ANKRD30A: variants seen among roughly 807,000 people sequenced by gnomAD.
ANKRD30A encodes ankyrin repeat domain 30A.
In ANKRD30A, 170 loss-of-function variants were observed where a neutral mutation model predicts 166.3. The observed-to-expected ratio is 1.02, with a 90% confidence interval of 0.90 to 1.16. The LOEUF (loss-of-function observed/expected upper bound fraction) is 1.16, where lower values mean the gene tolerates loss of function less well. Among genes scored for constraint, ANKRD30A ranks in the 50% most tolerant of loss-of-function variants. The probability of loss-of-function intolerance (pLI) is 0.00; values close to 1 mark genes in which losing one functional copy is unlikely to be tolerated. For missense variants in ANKRD30A, 1,630 were observed against 1,518.0 expected, an observed-to-expected ratio of 1.07 and a Z score of -1.23; for synonymous variants, 564 against 508.9, an observed-to-expected ratio of 1.11 and a Z score of -1.46.
intron 21 of ANKRD30A, among the ~76,000 whole-genome samples, chr10:37,172,253 T>C (rs1839629572): frequency 9.4e-6 from 1 of 106,924 alleles, no homozygotes; most frequent in Admixed American, 9.0e-5. Context: ...CTGCTGCTGG[T>C]GGTCCTTGGA....
chr10:37,141,286 T>C (rs976637819), intron 6 of ANKRD30A, among the ~76,000 whole-genome samples: 6 of 152,216 alleles, frequency 3.9e-5, no homozygotes, highest in Admixed American at 2.0e-4. Context: ...AAAAGTTTGG[T>C]AGTGTCCAGG....
At chr10:37,237,371 A>T (rs1843710289), downstream of ANKRD30A, among the ~76,000 whole-genome samples, 1 of 152,188 alleles carries the variant, frequency 6.6e-6, no homozygotes, top group East Asian at 1.9e-4. Flanking sequence ...AGTTAGATGC[A>T]ACCATATTAT....
In ANKRD30A at chr10:37,149,811, A is replaced by C. The variant is rs755551682; in HGVS notation, c.1607A>C (p.Lys536Thr). 20 of 1,612,938 alleles carry C rather than the reference A, an allele frequency of 1.2e-5. No homozygotes were observed. The highest frequency in any genetic ancestry group is 1.7e-5 in the Non-Finnish European group (20 of 1,179,158). ...GAAATGCAAAACTCTGTTCCAAATA[A>C]AGCCTTTGAATTGAAGAATGAACAA... is the stretch of plus-strand genomic sequence containing the variant. ...AIEMQNSVPN[K>T]AFELKNEQTL... is the part of the protein sequence containing the mutation. The change falls in exon 11 of 36, where the codon AAA (lysine) becomes ACA (threonine). Residue 536 changes from lysine (K) to threonine (T), a missense_variant. By Grantham distance (78) the Lys-to-Thr change is moderately conservative. Around this residue, in one of 4 missense-constraint regions of ANKRD30A, gnomAD observed 904 missense variants for 818.5 expected, o/e 1.10. Coordinates refer to ENST00000361713, the MANE Select transcript of ANKRD30A (RefSeq NM_052997.3).
At chr10:37,212,815 A>G (rs570881811) in intron 31 of ANKRD30A, among the ~76,000 whole-genome samples, 35 of 151,996 alleles carry the variant, frequency 2.3e-4, no homozygotes, top group African/African-American at 7.9e-4. Flanking sequence ...CATTTATTAA[A>G]TAGGGAATTA....
At chr10:37,157,826 A>C (rs578178270) in intron 13 of ANKRD30A, among the ~76,000 whole-genome samples, 1 of 152,210 alleles carries the variant, frequency 6.6e-6, no homozygotes, top group African/African-American at 2.4e-5. Context: ...TTATTCTATA[A>C]GTAGATATGC....
intron 13 of ANKRD30A, among the ~76,000 whole-genome samples, chr10:37,157,380 A>G (rs564808150): frequency 6.6e-6 from 1 of 152,252 alleles, no homozygotes; most frequent in Admixed American, 6.5e-5. Context: ...TAATACATCC[A>G]TATAAGATGT....
downstream of ANKRD30A, chr10:37,232,697 T>TATATATATATATATATAG (rs1273812991): frequency 2.6e-5 from 2 of 78,400 alleles, no homozygotes; most frequent in Admixed American, 1.4e-4. Flanking sequence ...TATATATAAA[T>TATATATATATATATATAG]AGAGAGAGAG....
chr10:37,137,158 C>T (rs1043449589), intron 6 of ANKRD30A, among the ~76,000 whole-genome samples: 131 of 151,974 alleles, frequency 8.6e-4, no homozygotes, highest in African/African-American at 3.0e-3. Flanking sequence ...AATTTTATTA[C>T]AAATTATAAA....
At chr10:37,211,592 A>T (rs1422094793) in intron 31 of ANKRD30A, among the ~76,000 whole-genome samples, 3 of 152,160 alleles carry the variant, frequency 2.0e-5, no homozygotes, top group Non-Finnish European at 4.4e-5. Flanking sequence ...TGCAATAAAC[A>T]TATGTGTGCA....
chr10:37,166,414 T>C (rs1839349175), intron 18 of ANKRD30A, among the ~76,000 whole-genome samples, 191 bp from the exon 19 acceptor site: 1 of 152,106 alleles, frequency 6.6e-6, no homozygotes, highest in Non-Finnish European at 1.5e-5. Flanking sequence ...AAAGATGAGC[T>C]TGATGTAGAG....
rs546896408 is a variant in ANKRD30A at position 37,190,301 on chromosome 10, T to C, written c.2512+744T>C. Among the ~76,000 whole-genome samples the C allele has an allele frequency of 1.4e-4, 22 of 151,932 alleles. No homozygotes were observed. In the South Asian group the frequency reaches 4.4e-3, roughly 30 times the overall value. On this transcript the variant is annotated intron_variant, in intron 25 of 35. Coordinates refer to ENST00000361713, the MANE Select transcript of ANKRD30A (RefSeq NM_052997.3). ...GCTGATGCTGGTGGTCCTTGGACGT[T>C]GCTCTGGGTTGCAAGAGGAGAGGCC... is the stretch of plus-strand genomic sequence containing the variant.
At chr10:37,224,400 G>T (rs1253375924) in intron 34 of ANKRD30A, among the ~76,000 whole-genome samples, 2 of 148,012 alleles carry the variant, frequency 1.4e-5, no homozygotes, top group African/African-American at 2.5e-5. Flanking sequence ...TTTTCTACTG[G>T]TATCTCCCAT....
Position 37,138,447 on chromosome 10 carries a change from C to T in ANKRD30A, c.820+1776C>T, listed in dbSNP as rs540148952. 6.7e-4 allele frequency among the ~76,000 whole-genome samples: 102 copies of T among 152,058 alleles called. 1 individual carries two copies. Among genetic ancestry groups the T allele is most frequent in the Non-Finnish European group, 7.2e-4 (49 of 68,002 alleles). On this transcript the variant is annotated intron_variant, in intron 6 of 35. Coordinates refer to ENST00000361713, the MANE Select transcript of ANKRD30A (RefSeq NM_052997.3). ...CTACTCTGAGCTAAAGGAGGAAGTT[C>T]GAACCCATGGCAAAGAAGTTAAAAA...
intron 6 of ANKRD30A, among the ~76,000 whole-genome samples, chr10:37,137,798 G>A (rs1160254813): frequency 6.6e-6 from 1 of 152,192 alleles, no homozygotes; most frequent in Admixed American, 6.5e-5. Flanking sequence ...ACCTCTGGGG[G>A]CAGGGCATTG....
chr10:37,234,329 A>G (rs1419851919), downstream of ANKRD30A, among the ~76,000 whole-genome samples: 1 of 152,222 alleles, frequency 6.6e-6, no homozygotes, highest in Non-Finnish European at 1.5e-5. Flanking sequence ...TATAAAATTC[A>G]AAAATTAAAA....
chr10:37,252,874 CA>C, the ANKRD30A span, among the ~76,000 whole-genome samples: 2 of 152,128 alleles, frequency 1.3e-5, no homozygotes, highest in Non-Finnish European at 2.9e-5. Flanking sequence ...CAATATCTAA[CA>C]ATTTTGTTTA....
the ANKRD30A span, chr10:37,241,842 C>A: frequency 6.6e-6 from 1 of 152,064 alleles, no homozygotes; most frequent in Non-Finnish European, 1.5e-5. Flanking sequence ...TGGAAACAGT[C>A]TTAAAATTAA....
At chr10:37,211,148 TTTA>T (rs989389882) in intron 31 of ANKRD30A, among the ~76,000 whole-genome samples, 4 of 151,914 alleles carry the variant, frequency 2.6e-5, no homozygotes, top group African/African-American at 9.7e-5. Flanking sequence ...TAGAATTTTT[TTTA>T]TTATTATACT....
At chr10:37,198,258 T>C (rs1248166379) in intron 29 of ANKRD30A, among the ~76,000 whole-genome samples, 1 of 152,074 alleles carries the variant, frequency 6.6e-6, no homozygotes, top group African/African-American at 2.4e-5. Flanking sequence ...ACTTCTAATA[T>C]GTAGATGGTT....
Sources: allele counts gnomAD v4.1 joint callset (sites outside exome capture counted in the v4.1 genomes callset), GRCh38; gene constraint gnomAD v4.1.1; regional missense constraint gnomAD v4.1.1; transcripts MANE v1.5; gene names NCBI Gene and HGNC (gene_info 2026-07-23, HGNC 2026-07-21).